IGF2R: variants seen among roughly 807,000 people sequenced by gnomAD.
IGF2R encodes the protein cation-independent mannose-6-phosphate receptor.
IGF2R carries 91 observed loss-of-function variants against 270.6 expected under a neutral mutation model. The observed-to-expected ratio is 0.34, with a 90% CI of 0.28 to 0.40. The LOEUF (loss-of-function observed/expected upper bound fraction) is 0.40, where lower values mean the gene tolerates loss of function less well. Ranked by LOEUF, IGF2R falls within the 10% of genes least tolerant of loss-of-function variation. IGF2R has a pLI of 1.00. For missense variants in IGF2R, 2,805 were observed against 3,188.3 expected (o/e 0.88, Z 2.90); for synonymous variants, 1,316 against 1,258.9 (o/e 1.05, Z -0.96).
chr6:160,066,013 T>G (rs1047765612), intron 29 of IGF2R, among the ~76,000 whole-genome samples: 19 of 123,652 alleles, frequency 1.5e-4, no homozygotes, highest in African/African-American at 4.3e-4. Flanking sequence ...TTTTGTGGTG[T>G]TTTTTTTTTT....
intron 35 of IGF2R, 104 bp downstream of exon 35, chr6:160,074,079 A>T: frequency 1.3e-6 from 1 of 775,608 alleles, no homozygotes; most frequent in Non-Finnish European, 2.1e-6. Context: ...AAGCATAAAA[A>T]AAATGGAGAA....
intron 32 of IGF2R, 114 bp downstream of exon 32, chr6:160,072,150 G>A (rs771922638): frequency 1.2e-4 from 156 of 1,327,400 alleles, no homozygotes; most frequent in Non-Finnish European, 1.5e-4. Flanking sequence ...AGGCGCCCTG[G>A]GCAGAGGTGT....
At chr6:160,019,513 C>G (rs1238966995) in intron 4 of IGF2R, among the ~76,000 whole-genome samples, 1 of 152,058 alleles carries the variant, frequency 6.6e-6, no homozygotes, top group African/African-American at 2.4e-5. Context: ...AAGCACACAA[C>G]AAAGAAAGAA....
chr6:160,006,079 ATG>A (rs1784223536), intron 2 of IGF2R: 1 of 77,642 alleles, frequency 1.3e-5, no homozygotes, highest in African/African-American at 5.6e-5. Context: ...TCCGTGCCCC[ATG>A]CGCCTCACCC....
chr6:160,044,021 C>T (rs1253926820), intron 12 of IGF2R, among the ~76,000 whole-genome samples: 1 of 152,140 alleles, frequency 6.6e-6, no homozygotes, highest in African/African-American at 2.4e-5. Flanking sequence ...AGCAAGTGAA[C>T]TAAGAAGTAA....
rs756715139 is a variant in IGF2R, at chr6:160,070,033, G to A, written c.4418G>A (p.Arg1473Gln). The A allele has an allele frequency of 5.0e-6, 8 of 1,614,114 alleles. No homozygotes were observed. Among genetic ancestry groups the A allele is most frequent in the East Asian group, 4.5e-5 (2 of 44,904 alleles). ...DGIRKKSTTI[R>Q]FTCSESQVNS... ...ATTCGGAAAAAGTCAACCACCATCC[G>A]ATTCACCTGCAGCGAGAGCCAAGTG... is the stretch of plus-strand genomic sequence containing the variant. The change falls in exon 31 of 48, where the codon CGA becomes CAA. Residue 1473 changes from arginine (R) to glutamine (Q), a missense_variant. By Grantham distance (43) the Arg-to-Gln change is conservative (BLOSUM62 1). This residue lies in a region of IGF2R where 1,851 missense variants were observed against 2,207.2 expected (regional missense o/e 0.84). Transcript: ENST00000356956.
chr6:160,022,481 G>A (rs1777461856), intron 4 of IGF2R, among the ~76,000 whole-genome samples: 1 of 152,150 alleles, frequency 6.6e-6, no homozygotes, highest in South Asian at 2.1e-4. Flanking sequence ...AAAATAAAAA[G>A]ACCATTAGTT....
In IGF2R at chr6:160,084,296, G is replaced by C; in HGVS notation, c.6068+112G>C. 1.5e-6 allele frequency: 1 copy of C among 666,802 alleles called. No homozygotes were observed. The highest frequency in any genetic ancestry group is 2.7e-6 in the Non-Finnish European group (1 of 374,508). The allele number at this position is 666,802 out of a possible 1,614,324, so 41.3% of individuals were successfully genotyped here. A position where few individuals can be genotyped will look rare whatever the true frequency, so the allele number is the denominator to read the frequency against. ...CTCAAGATGGGAATACTATGCCCAT[G>C]TGAGGCTGATGGTGGTTGAGTTGTG... is the stretch of plus-strand genomic sequence containing the variant. On this transcript the variant is annotated intron_variant, in intron 40 of 47. Transcript: ENST00000356956. The surrounding 1 kb of genome is among the most constrained non-coding windows in gnomAD (Gnocchi z 4.6).
At chr6:159,980,364 C>T (rs937196370) in intron 1 of IGF2R, among the ~76,000 whole-genome samples, 5 of 152,108 alleles carry the variant, frequency 3.3e-5, no homozygotes, top group African/African-American at 1.2e-4. Flanking sequence ...ATGGAGATAG[C>T]ATGAGCTCTG....
At chr6:160,000,254 A>G (rs1784108085) in intron 2 of IGF2R, among the ~76,000 whole-genome samples, 1 of 152,232 alleles carries the variant, frequency 6.6e-6, no homozygotes, top group Admixed American at 6.5e-5. Flanking sequence ...GCTGTGTAGG[A>G]AGCATGGCTG....
At chr6:159,981,542 C>G (rs973054453) in intron 1 of IGF2R, among the ~76,000 whole-genome samples, 5 of 152,196 alleles carry the variant, frequency 3.3e-5, no homozygotes, top group African/African-American at 1.2e-4. Context: ...CCAACTCTCT[C>G]TCTGGATTCA....
intron 41 of IGF2R, 115 bp from the exon 42 acceptor site, chr6:160,087,918 T>C: frequency 1.5e-6 from 1 of 672,568 alleles, no homozygotes; most frequent in Non-Finnish European, 2.8e-6. Context: ...TCAAGTGATC[T>C]GCCCTCTTTG....
chr6:159,977,500 C>T (rs1783712946), intron 1 of IGF2R, among the ~76,000 whole-genome samples: 1 of 151,742 alleles, frequency 6.6e-6, no homozygotes, highest in South Asian at 2.1e-4. Context: ...CGCTGTTCTG[C>T]CAAGACACAG....
At chr6:160,018,656 A>C (rs1299065001) in intron 4 of IGF2R, among the ~76,000 whole-genome samples, 1 of 152,206 alleles carries the variant, frequency 6.6e-6, no homozygotes, top group East Asian at 1.9e-4. Flanking sequence ...CTAGAAATCA[A>C]TTCACAGAGA....
intron 35 of IGF2R, among the ~76,000 whole-genome samples, chr6:160,074,870 T>C (rs961711015): frequency 7.9e-5 from 12 of 152,236 alleles, no homozygotes; most frequent in Non-Finnish European, 1.6e-4. Flanking sequence ...GATGGAGGCC[T>C]GGACAAGCTG....
rs533848189 is a variant in IGF2R at position 160,105,758 on chromosome 6, G to A, written c.*674G>A. 1 of 152,750 alleles carries A rather than the reference G, an allele frequency of 6.5e-6. No homozygotes were observed. Among genetic ancestry groups the A allele is most frequent in the East Asian group, 1.9e-4 (1 of 5,176 alleles). 9.5% of individuals were successfully genotyped at this position (152,750 alleles called of 1,614,324 possible). A position where few individuals can be genotyped will look rare whatever the true frequency, so the allele number is the denominator to read the frequency against. On this transcript the variant is annotated 3_prime_UTR_variant, in exon 48 of 48. Coordinates refer to ENST00000356956, the MANE Select transcript of IGF2R (RefSeq NM_000876.4). ...CAGGGTCCCCGAGTGCCTAGGTTTT[G>A]GAGAGTTTGCCTGTTCTATGCCTTT...
intron 34 of IGF2R, 77 bp from the exon 35 acceptor site, chr6:160,073,680 T>C (rs574873894): frequency 4.6e-6 from 6 of 1,295,112 alleles, no homozygotes; most frequent in Non-Finnish European, 6.5e-6. Context: ...TATTCAGCTT[T>C]TAAATTCTTA....
At chr6:160,027,365 C>T in intron 6 of IGF2R, 51 bp downstream of exon 6, 1 of 1,558,136 alleles carries the variant, frequency 6.4e-7, no homozygotes, top group African/African-American at 1.4e-5. Context: ...CAGCAAGGAC[C>T]TGACTTTCAG....
chr6:159,980,228 A>AAGGAAGGAAGGAAGG (rs1554234683), intron 1 of IGF2R, among the ~76,000 whole-genome samples: 3 of 135,130 alleles, frequency 2.2e-5, no homozygotes, highest in East Asian at 2.2e-4. Context: ...AGAAAGAAAG[A>AAGGAAGGAAGGAAGG]AAGAAAGAAA....
Sources: gnomAD v4.1 joint callset for allele counts (sites outside exome capture counted in the v4.1 genomes callset) on GRCh38, gnomAD v4.1.1 for gene constraint, gnomAD v4.1.1 regional missense constraint, Gnocchi (gnomAD v3.1) non-coding constraint, MANE v1.5 for transcripts, NCBI Gene and HGNC (gene_info 2026-07-23, HGNC 2026-07-21) for gene names.